MITF: variants seen among roughly 807,000 people sequenced by gnomAD.
MITF encodes the protein melanocyte inducing transcription factor, also known as microphthalmia-associated transcription factor.
MITF carries 17 observed loss-of-function variants against 60.5 expected under a neutral mutation model. The observed-to-expected ratio is 0.28, with a 90% CI of 0.19 to 0.42. The LOEUF is 0.42. Among genes scored for constraint, MITF ranks in the 10% least tolerant of loss-of-function variants. MITF has a pLI of 1.00. For missense variants in MITF, 622 were observed against 683.5 expected, an observed-to-expected ratio of 0.91 and a Z score of 1.00; for synonymous variants, 260 against 248.5, an observed-to-expected ratio of 1.05 and a Z score of -0.43.
intron 2 of MITF, among the ~76,000 whole-genome samples, chr3:69,887,626 G>A (rs1044267894): frequency 6.6e-5 from 10 of 152,028 alleles, no homozygotes; most frequent in African/African-American, 2.4e-4. Flanking sequence ...ATCAGGTAAA[G>A]CAGGGGGCTG....
chr3:69,760,879 A>G (rs952801857), intron 1 of MITF, among the ~76,000 whole-genome samples: 4 of 152,238 alleles, frequency 2.6e-5, no homozygotes, highest in Non-Finnish European at 5.9e-5. Context: ...TATAGTTATC[A>G]GAATGGTCAT....
chr3:69,953,199 A>G (rs1205594823), intron 7 of MITF, among the ~76,000 whole-genome samples: 2 of 152,188 alleles, frequency 1.3e-5, no homozygotes, highest in Non-Finnish European at 1.5e-5. Context: ...CCAGCTTCTA[A>G]GTAATTTTAC....
chr3:69,755,244 G>A (rs1192625762), intron 1 of MITF, among the ~76,000 whole-genome samples: 1 of 152,158 alleles, frequency 6.6e-6, no homozygotes, highest in East Asian at 1.9e-4. Context: ...AGGCTGTGTA[G>A]CACTGCTGTC....
chr3:69,902,953 T>C (rs2065025058), intron 2 of MITF, among the ~76,000 whole-genome samples: 1 of 152,196 alleles, frequency 6.6e-6, no homozygotes. Context: ...ATACAGTAAT[T>C]AGAAGAATGC....
intron 2 of MITF, among the ~76,000 whole-genome samples, chr3:69,902,285 A>C (rs2065010219): frequency 6.6e-6 from 1 of 151,978 alleles, no homozygotes; most frequent in Non-Finnish European, 1.5e-5. Context: ...TTTCCCATTT[A>C]CATAAATTAA....
chr3:69,792,965 A>AT (rs2062764995), intron 1 of MITF, among the ~76,000 whole-genome samples: 1 of 85,428 alleles, frequency 1.2e-5, no homozygotes, highest in Non-Finnish European at 2.5e-5. Context: ...ATTACTTTAA[A>AT]TTTTTTCTTG....
intron 1 of MITF, among the ~76,000 whole-genome samples, chr3:69,810,297 C>T (rs879856361): frequency 4.6e-5 from 7 of 152,138 alleles, no homozygotes; most frequent in African/African-American, 9.7e-5. Context: ...CTTTACAAAG[C>T]GTTGTGTCAT....
intron 1 of MITF, among the ~76,000 whole-genome samples, chr3:69,780,001 G>A (rs2062538003): frequency 6.6e-6 from 1 of 152,190 alleles, no homozygotes. Flanking sequence ...ATAACAATAG[G>A]ATTGGGAAGA....
rs776961961 is a variant in MITF, at chr3:69,953,662, TAGAGAGAG to T, written c.955+1796_955+1803del. ...ATATATGTATGTATATATATATATA[TAGAGAGAG>T]AGAGAGAGAGAGAGAGAGACAGAGA... On this transcript the variant is annotated intron_variant, in intron 7 of 9. Transcript: ENST00000352241. 7.9e-3 allele frequency among the ~76,000 whole-genome samples: 1,074 copies of T among 136,564 alleles called. 15 individuals carry two copies. Among genetic ancestry groups the T allele is most frequent in the African/African-American group, 0.027 (1,007 of 37,688 alleles). 89.6% of individuals were successfully genotyped at this position (136,564 alleles called of 152,430 possible). A position where few individuals can be genotyped will look rare whatever the true frequency, so the allele number is the denominator to read the frequency against.
chr3:69,913,061 T>G (rs902842355), intron 2 of MITF, among the ~76,000 whole-genome samples: 2 of 152,126 alleles, frequency 1.3e-5, no homozygotes, highest in Admixed American at 6.6e-5. Flanking sequence ...TAGGATATAT[T>G]ATTATTATTT....
chr3:69,818,689 T>A (rs916048026), intron 1 of MITF, among the ~76,000 whole-genome samples: 2 of 152,194 alleles, frequency 1.3e-5, no homozygotes, highest in African/African-American at 4.8e-5. Context: ...GGGCTTCTGA[T>A]GAATATATAC....
At chr3:69,751,746 C>A (rs1040345101) in intron 1 of MITF, among the ~76,000 whole-genome samples, 2 of 152,016 alleles carry the variant, frequency 1.3e-5, no homozygotes, top group African/African-American at 4.8e-5. Flanking sequence ...ATTCTTGTGG[C>A]CTCTGTTTCA....
intron 1 of MITF, among the ~76,000 whole-genome samples, chr3:69,871,313 A>C (rs756542901): frequency 8.5e-5 from 13 of 152,338 alleles, no homozygotes; most frequent in Admixed American, 6.5e-4. Context: ...TTGGGGCACA[A>C]GCACATTCCT....
chr3:69,814,463 G>A (rs563057510), intron 1 of MITF, among the ~76,000 whole-genome samples: 63 of 152,134 alleles, frequency 4.1e-4, no homozygotes, highest in African/African-American at 1.5e-3. Context: ...CAAGTAGCTC[G>A]AACTACAGAT....
chr3:69,775,419 A>T (rs886876553), intron 1 of MITF, among the ~76,000 whole-genome samples: 3 of 152,152 alleles, frequency 2.0e-5, no homozygotes, highest in Non-Finnish European at 4.4e-5. Flanking sequence ...ATTATTGAGG[A>T]TACAGAAGAT....
rs143952162 is a variant in MITF at position 69,964,182 on chromosome 3, T to A, written c.1180-665T>A. Among the ~76,000 whole-genome samples, 17 of 152,154 alleles carry A rather than the reference T, an allele frequency of 1.1e-4. No individual in the cohort carries two copies. In the East Asian group the frequency reaches 3.3e-3, roughly 29 times the overall value. On this transcript the variant is annotated intron_variant, in intron 9 of 9. Coordinates refer to ENST00000352241, the MANE Select transcript of MITF (RefSeq NM_001354604.2). The stretch of plus-strand genomic sequence containing the variant: ...AGTGGAGACGGGGTTTCAACCATGT[T>A]GACCAGGCTGATCTCAAACTCCTGA...
At chr3:69,791,067 A>G (rs1314013426) in intron 1 of MITF, among the ~76,000 whole-genome samples, 1 of 152,248 alleles carries the variant, frequency 6.6e-6, no homozygotes, top group Non-Finnish European at 1.5e-5. Context: ...CTGTATTTCT[A>G]TATGAACAAA....
At chr3:69,770,636 T>C (rs1261845960) in intron 1 of MITF, among the ~76,000 whole-genome samples, 1 of 152,186 alleles carries the variant, frequency 6.6e-6, no homozygotes, top group Non-Finnish European at 1.5e-5. Context: ...AGCAACTGCA[T>C]ATGAAGAGAG....
At chr3:69,802,940 G>A (rs1173934747) in intron 1 of MITF, among the ~76,000 whole-genome samples, 1 of 151,894 alleles carries the variant, frequency 6.6e-6, no homozygotes, top group African/African-American at 2.4e-5. Context: ...ACCATGCCTA[G>A]CTAATTTTGT....
Sources: gnomAD v4.1 joint callset for allele counts (sites outside exome capture counted in the v4.1 genomes callset) on GRCh38, gnomAD v4.1.1 for gene constraint, MANE v1.5 for transcripts, NCBI Gene and HGNC (gene_info 2026-07-23, HGNC 2026-07-21) for gene names.